The following PMP22 variants were observed in gnomAD, a reference collection of about 807,000 sequenced individuals.
PMP22 encodes the protein peripheral myelin protein 22, also known as Charcot-Marie-Tooth neuropathy 1A (greatly reduced nerve conduction velocity, hereditary motor sensory neuropathy Ia).
In PMP22, 2 loss-of-function variants were observed where a neutral mutation model predicts 18.9. The ratio of observed to expected loss-of-function variants is 0.11; its 90% CI spans 0.04 to 0.33. The LOEUF is 0.33. Ranked by LOEUF, PMP22 falls within the 10% of genes least tolerant of loss-of-function variation. The pLI, the probability that PMP22 is intolerant of heterozygous loss-of-function variation, is 1.00. For missense variants in PMP22, 169 were observed against 202.2 expected (o/e 0.84, Z 1.00); for synonymous variants, 95 against 89.2 (o/e 1.07, Z -0.37).
chr17:15,244,499 C>A (rs1340640297), intron 3 of PMP22, among the ~76,000 whole-genome samples: 2 of 152,124 alleles, frequency 1.3e-5, no homozygotes, highest in Non-Finnish European at 2.9e-5. Context: ...CCTGGAAAAA[C>A]AGTGAACATA....
intron 2 of PMP22, 120 bp downstream of exon 2, chr17:15,260,530 G>T: frequency 2.3e-6 from 2 of 856,480 alleles, no homozygotes; most frequent in Non-Finnish European, 3.8e-6. Flanking sequence ...AACTTCCCTG[G>T]GACGTCTGAG....
intron 3 of PMP22, among the ~76,000 whole-genome samples, chr17:15,253,144 C>A (rs773695716): frequency 3.3e-5 from 5 of 152,326 alleles, no homozygotes; most frequent in Middle Eastern, 3.4e-3. Context: ...ACCCCTCCCC[C>A]TCACCAGAGC....
intron 1 of PMP22, 95 bp from the exon 2 acceptor site, chr17:15,260,856 G>C (rs1909273149): frequency 1.1e-6 from 1 of 901,508 alleles, no homozygotes; most frequent in Non-Finnish European, 1.8e-6. Context: ...CGGAAGGCCC[G>C]GCCTGGCCCA....
intron 3 of PMP22, among the ~76,000 whole-genome samples, chr17:15,253,888 T>C (rs1908585050): frequency 6.6e-6 from 1 of 152,242 alleles, no homozygotes; most frequent in African/African-American, 2.4e-5. Context: ...AAATTCTCCA[T>C]GTTTACTGAC....
In PMP22 at chr17:15,258,894, T is replaced by G. The variant is rs1053671355; in HGVS notation, c.178+200A>C. Reference sequence around the variant, plus strand: ...TGTCTCTAGGTAGAGTGAATCACAATGATGCCCAGGATCTCAGCTTCCCCA... The same window carrying G: ...TGTCTCTAGGTAGAGTGAATCACAAGGATGCCCAGGATCTCAGCTTCCCCA... On this transcript the variant is annotated intron_variant, in intron 3 of 4. Transcript: ENST00000312280. This position sits in a 1 kb window ranked among gnomAD's most constrained non-coding sequence, Gnocchi z 4.1. 1.5e-6 allele frequency: 1 copy of G among 646,988 alleles called. No individual in the cohort carries two copies. Among genetic ancestry groups the G allele is most frequent in the Non-Finnish European group, 2.8e-6 (1 of 354,938 alleles). The allele number at this position is 646,988 out of a possible 1,614,324, so 40.1% of individuals were successfully genotyped here. A position where few individuals can be genotyped will look rare whatever the true frequency, so the allele number is the denominator to read the frequency against.
At chr17:15,245,342 C>A (rs1351287128) in intron 3 of PMP22, among the ~76,000 whole-genome samples, 1 of 152,166 alleles carries the variant, frequency 6.6e-6, no homozygotes, top group African/African-American at 2.4e-5. Context: ...GGCTTTGATC[C>A]TGTCCAAGGT....
chr17:15,245,170 A>G (rs1188219105), intron 3 of PMP22, among the ~76,000 whole-genome samples: 1 of 152,180 alleles, frequency 6.6e-6, no homozygotes, highest in Non-Finnish European at 1.5e-5. Flanking sequence ...AAGATTCAAG[A>G]GCTCTCGTTG....
chr17:15,231,703 A>G (rs1198072119), intron 4 of PMP22, among the ~76,000 whole-genome samples: 1 of 152,214 alleles, frequency 6.6e-6, no homozygotes, highest in East Asian at 1.9e-4. Flanking sequence ...GATGCAGCCG[A>G]CAGTATGACT....
intron 3 of PMP22, among the ~76,000 whole-genome samples, chr17:15,242,974 C>A (rs762689696): frequency 3.9e-5 from 6 of 151,920 alleles, no homozygotes; most frequent in Non-Finnish European, 8.8e-5. Context: ...AAAGTAAAAA[C>A]TTCTTCAGCA....
intron 4 of PMP22, among the ~76,000 whole-genome samples, chr17:15,236,225 G>A (rs963182342): frequency 6.6e-6 from 1 of 152,190 alleles, no homozygotes; most frequent in African/African-American, 2.4e-5. Flanking sequence ...GTGGCTAAGT[G>A]AGGAAGAGAT....
At position 15,230,800 on chromosome 17, in the gene PMP22, T is replaced by C; in HGVS notation, c.*117A>G. 1 of 1,021,528 alleles carries C rather than the reference T, an allele frequency of 9.8e-7. No individual in the cohort carries two copies. Among genetic ancestry groups the C allele is most frequent in the South Asian group, 1.3e-5 (1 of 75,628 alleles). The allele number at this position is 1,021,528 out of a possible 1,614,324, so 63.3% of individuals were successfully genotyped here. A position where few individuals can be genotyped will look rare whatever the true frequency, so the allele number is the denominator to read the frequency against. ...AACCCCCACCTCCACTGCTTTCTGTTTGGTTTGGTTTGAGTTTGGGATTTT... is the reference window on the plus strand; with the variant it reads ...AACCCCCACCTCCACTGCTTTCTGTCTGGTTTGGTTTGAGTTTGGGATTTT... On this transcript the variant is annotated 3_prime_UTR_variant, in exon 5 of 5. Coordinates refer to ENST00000312280, the MANE Select transcript of PMP22 (RefSeq NM_000304.4).
At chr17:15,262,170 C>A (rs1353321334) in intron 1 of PMP22, among the ~76,000 whole-genome samples, 1 of 152,184 alleles carries the variant, frequency 6.6e-6, no homozygotes, top group Non-Finnish European at 1.5e-5. Flanking sequence ...GAGAACTGGG[C>A]CGCCCTTATC....
Position 15,235,237 on chromosome 17 carries a change from C to A in PMP22, c.320-4157G>T, listed in dbSNP as rs192174882. 3.2e-5 allele frequency: 23 copies of A among 717,566 alleles called. No homozygotes were observed. The African/African-American group carries it at 3.8e-4, about 12-fold the overall frequency. 44.4% of individuals were successfully genotyped at this position (717,566 alleles called of 1,614,324 possible). ...AACTCACTCAGGAGTCCCCTCTATT[C>A]TTTCTGTTCTTAATCCCGGTAACCA... On this transcript the variant is annotated intron_variant, in intron 4 of 4. Transcript: ENST00000312280.
At chr17:15,247,432 C>T (rs924053931) in intron 3 of PMP22, among the ~76,000 whole-genome samples, 16 of 152,110 alleles carry the variant, frequency 1.1e-4, no homozygotes, top group African/African-American at 3.4e-4. Flanking sequence ...TGAGAGTGTC[C>T]GGTATAAGAG....
rs546820898 is a variant in PMP22 at position 15,264,592 on chromosome 17, G to A, written c.-35+562C>T. 3.9e-5 allele frequency among the ~76,000 whole-genome samples: 6 copies of A among 152,260 alleles called. No individual in the cohort carries two copies. The South Asian group carries it at 6.2e-4, about 16-fold the overall frequency. ...GTGCATATATTGGGTGCTACAGCTC[G>A]CTTCTTCCTTTCTTTTGAACCCAAT... is the stretch of plus-strand genomic sequence containing the variant. On this transcript the variant is annotated intron_variant, in intron 1 of 4. Transcript: ENST00000312280.
chr17:15,260,637 G>T lies in PMP22; in HGVS notation c.78+13C>A, dbSNP rs1484051444. The T allele has an allele frequency of 1.7e-5, 26 of 1,550,508 alleles. No homozygotes were observed. Among genetic ancestry groups the T allele is most frequent in the Non-Finnish European group, 2.3e-5 (26 of 1,146,134 alleles). ...GGCGGGCCGCGCAGGGAGCCTCCCC[G>T]CCAGGCACTCACGCTGACGATCGTG... On this transcript the variant is annotated intron_variant, in intron 2 of 4. Coordinates refer to ENST00000312280, the MANE Select transcript of PMP22 (RefSeq NM_000304.4).
intron 3 of PMP22, among the ~76,000 whole-genome samples, chr17:15,250,923 T>A (rs769779761): frequency 4.6e-5 from 7 of 152,232 alleles, no homozygotes; most frequent in Non-Finnish European, 7.3e-5. Context: ...GTTTCCACTC[T>A]TGCCTCTCCC....
chr17:15,260,525 C>T, intron 2 of PMP22, 125 bp downstream of exon 2: 1 of 839,686 alleles, frequency 1.2e-6, no homozygotes, highest in Non-Finnish European at 2.0e-6. Flanking sequence ...CCAGAAACTT[C>T]CCTGGGACGT....
chr17:15,259,938 C>CA (rs61415317), intron 2 of PMP22, among the ~76,000 whole-genome samples: 464 of 97,630 alleles, frequency 4.8e-3, no homozygotes, highest in East Asian at 8.5e-3. Context: ...GACTCCATCT[C>CA]AAAAAAAAAA....
Sources: gnomAD v4.1 joint callset for allele counts (sites outside exome capture counted in the v4.1 genomes callset) on GRCh38, gnomAD v4.1.1 for gene constraint, Gnocchi (gnomAD v3.1) non-coding constraint, MANE v1.5 for transcripts, NCBI Gene and HGNC (gene_info 2026-07-23, HGNC 2026-07-21) for gene names.